Variants in TSHZ2 observed in about 807,000 individuals in gnomAD.
TSHZ2 encodes teashirt homolog 2.
In TSHZ2, 21 loss-of-function variants were observed where a neutral mutation model predicts 74.4. The observed-to-expected ratio is 0.28, with a 90% CI of 0.20 to 0.41. TSHZ2 has a LOEUF of 0.41. Ranked by LOEUF, TSHZ2 falls within the 10% of genes least tolerant of loss-of-function variation. TSHZ2 has a pLI of 1.00. For synonymous variants in TSHZ2, 540 were observed against 515.3 expected (o/e 1.05, Z -0.65); for missense variants, 1,244 against 1,293.5 (o/e 0.96, Z 0.59).
At chr20:53,479,633 C>G (rs1986091531) in intron 2 of TSHZ2, among the ~76,000 whole-genome samples, 1 of 152,184 alleles carries the variant, frequency 6.6e-6, no homozygotes, top group Non-Finnish European at 1.5e-5. Context: ...TTAAACTGTG[C>G]AGAAAAGACT....
intron 1 of TSHZ2, among the ~76,000 whole-genome samples, chr20:53,138,665 AC>A (rs1377586447): frequency 6.6e-5 from 10 of 152,046 alleles, no homozygotes; most frequent in African/African-American, 1.9e-4. Flanking sequence ...ATACTTCAAA[AC>A]CCAGTTTACA....
chr20:53,186,910 A>G (rs1017336871), intron 1 of TSHZ2, among the ~76,000 whole-genome samples: 3 of 151,812 alleles, frequency 2.0e-5, no homozygotes, highest in African/African-American at 7.3e-5. Context: ...TAATATATAT[A>G]TATATATATT....
intron 2 of TSHZ2, among the ~76,000 whole-genome samples, chr20:53,258,452 G>A (rs1990530557): frequency 6.6e-6 from 1 of 152,088 alleles, no homozygotes; most frequent in Non-Finnish European, 1.5e-5. Flanking sequence ...TGGTGAAGAG[G>A]ACAAATAGGT....
chr20:53,019,212 G>C (rs1983145941), intron 1 of TSHZ2, among the ~76,000 whole-genome samples: 1 of 151,564 alleles, frequency 6.6e-6, no homozygotes, highest in African/African-American at 2.4e-5. Flanking sequence ...GTTCCTCCCA[G>C]ACTGTGTTTC....
chr20:53,225,136 G>C (rs1320486995), intron 1 of TSHZ2, among the ~76,000 whole-genome samples: 1 of 152,202 alleles, frequency 6.6e-6, no homozygotes, highest in African/African-American at 2.4e-5. Flanking sequence ...AACAGGCAGT[G>C]GGTCAGATTT....
At chr20:53,282,488 G>A (rs1442148639) in intron 2 of TSHZ2, among the ~76,000 whole-genome samples, 2 of 152,178 alleles carry the variant, frequency 1.3e-5, no homozygotes, top group East Asian at 3.8e-4. Flanking sequence ...CACGCTTTAA[G>A]TAGCGATATT....
At position 53,169,748 on chromosome 20, in the gene TSHZ2, G is replaced by A. The variant is rs544506050; in HGVS notation, c.41-83751G>A. ...TCACAGTGTCAAGAACTCAAGTCTT[G>A]AGAATAGTTGTCTATTTTTATAGAA... On this transcript the variant is annotated intron_variant, in intron 1 of 2. Transcript: ENST00000371497. Among the ~76,000 whole-genome samples, 241 of 152,258 alleles carry A rather than the reference G, an allele frequency of 1.6e-3. 1 individual carries two copies. The highest frequency in any genetic ancestry group is 5.5e-3 in the African/African-American group (229 of 41,546).
chr20:53,133,522 G>A (rs774599937), intron 1 of TSHZ2, among the ~76,000 whole-genome samples: 3 of 152,162 alleles, frequency 2.0e-5, no homozygotes, highest in Non-Finnish European at 4.4e-5. Context: ...AAATCAAACC[G>A]CCAGAAAGTG....
At chr20:53,099,961 C>G (rs948867600) in intron 1 of TSHZ2, among the ~76,000 whole-genome samples, 12 of 152,310 alleles carry the variant, frequency 7.9e-5, no homozygotes, top group African/African-American at 2.9e-4. Context: ...CTGTCTGCAG[C>G]AGCAGTGAAG....
intron 2 of TSHZ2, among the ~76,000 whole-genome samples, chr20:53,433,622 C>CACACACAG (rs1274437204): frequency 7.4e-5 from 11 of 149,522 alleles, no homozygotes; most frequent in African/African-American, 2.5e-4. Flanking sequence ...CACACACACA[C>CACACACAG]AGAATTTTAT....
chr20:53,006,820 G>A (rs2122982802), intron 1 of TSHZ2, among the ~76,000 whole-genome samples: 1 of 152,264 alleles, frequency 6.6e-6, no homozygotes, highest in East Asian at 1.9e-4. Context: ...CATGTTGGGT[G>A]GTGGTGGGGT....
chr20:53,345,932 C>T (rs908875983), intron 2 of TSHZ2, among the ~76,000 whole-genome samples: 6 of 152,146 alleles, frequency 3.9e-5, no homozygotes, highest in Non-Finnish European at 7.3e-5. Context: ...AAGAGCATGC[C>T]GGTCACTCAA....
At chr20:53,267,152 G>A (rs1265273284) in intron 2 of TSHZ2, among the ~76,000 whole-genome samples, 1 of 152,180 alleles carries the variant, frequency 6.6e-6, no homozygotes. Context: ...GGCTGCAAGG[G>A]CCACAAAGTC....
intron 2 of TSHZ2, among the ~76,000 whole-genome samples, chr20:53,342,145 A>G (rs773169992): frequency 1.3e-5 from 2 of 152,116 alleles, no homozygotes; most frequent in Admixed American, 6.5e-5. Flanking sequence ...ACCAGCACGG[A>G]TACGTTATTA....
intron 1 of TSHZ2, among the ~76,000 whole-genome samples, chr20:53,236,539 A>G (rs1989942954): frequency 6.6e-6 from 1 of 152,228 alleles, no homozygotes; most frequent in South Asian, 2.1e-4. Flanking sequence ...CTGACATGCC[A>G]CAAGTAAGCT....
chr20:53,412,798 T>G (rs1983099663), intron 2 of TSHZ2: 2 of 152,280 alleles, frequency 1.3e-5, no homozygotes, highest in African/African-American at 4.8e-5. Context: ...CTAAACAAAC[T>G]GTCAGAGGTC....
intron 2 of TSHZ2, among the ~76,000 whole-genome samples, chr20:53,470,907 T>C (rs1384973686): frequency 6.6e-6 from 1 of 152,218 alleles, no homozygotes; most frequent in Non-Finnish European, 1.5e-5. Context: ...GAGTCATGTG[T>C]CCTGACCTAT....
chr20:53,013,350 C>G (rs965898659), intron 1 of TSHZ2, among the ~76,000 whole-genome samples: 1 of 151,828 alleles, frequency 6.6e-6, no homozygotes, highest in South Asian at 2.1e-4. Context: ...TTTCTGAGCT[C>G]GAGCATTTTT....
At chr20:53,066,517 C>G (rs949405150) in intron 1 of TSHZ2, among the ~76,000 whole-genome samples, 1 of 151,970 alleles carries the variant, frequency 6.6e-6, no homozygotes, top group Non-Finnish European at 1.5e-5. Flanking sequence ...TTGTTTGTTG[C>G]TTTGTTTGTT....
Sources: gnomAD v4.1 joint callset for allele counts (sites outside exome capture counted in the v4.1 genomes callset) on GRCh38, gnomAD v4.1.1 for gene constraint, MANE v1.5 for transcripts, NCBI Gene and HGNC (gene_info 2026-07-23, HGNC 2026-07-21) for gene names.